The following PERM1 variants were observed in gnomAD, a reference collection of about 807,000 sequenced individuals.
The protein encoded by PERM1 is PPARGC1 and ESRR induced regulator, muscle 1.
Under a neutral mutation model 44.1 loss-of-function variants are expected in PERM1, and 45 were observed. The observed-to-expected ratio is 1.02, with a 90% CI of 0.80 to 1.31. The LOEUF (loss-of-function observed/expected upper bound fraction) is 1.31, where lower values mean the gene tolerates loss of function less well. Ranked by LOEUF, PERM1 falls within the 50% of genes most tolerant of loss-of-function variation. The pLI is 0.00. For missense variants in PERM1, 1,189 were observed against 1,106.9 expected, an observed-to-expected ratio of 1.07 and a Z score of -1.05; for synonymous variants, 565 against 477.1, an observed-to-expected ratio of 1.18 and a Z score of -2.40.
In PERM1 at chr1:979,034, C is replaced by G. The variant is rs536503119; in HGVS notation, c.1996G>C (p.Gly666Arg). The G allele has an allele frequency of 6.5e-6, 10 of 1,539,432 alleles. No homozygotes were observed. The East Asian group carries it at 7.4e-5, about 11-fold the overall frequency. ...AGCACGCCCTCAAGCCTGTCCTCCC[C>G]GAAGAAGAAGTGTTCATAGACCTCA... The change falls in exon 1 of 3, where the codon GGG becomes CGG. Residue 666 changes from glycine (G) to arginine (R), a missense_variant. By Grantham distance (125) the Gly-to-Arg change is moderately radical. Around this residue, in one of 3 missense-constraint regions of PERM1, gnomAD observed 900 missense variants for 760.4 expected, o/e 1.18. Coordinates refer to ENST00000433179, the Ensembl canonical transcript of PERM1.
exon 3 of PERM1, chr1:976,160 C>T (rs997087156): frequency 8.4e-6 from 13 of 1,545,844 alleles, no homozygotes; most frequent in South Asian, 2.4e-5. Flanking sequence ...CTCCCTGGCC[C>T]GGGCCTGGCT....
At position 976,498 on chromosome 1, in the gene PERM1, C is replaced by G; in HGVS notation, c.2275+1G>C. 6.5e-7 allele frequency: 1 copy of G among 1,549,534 alleles called. No individual in the cohort carries two copies. The highest frequency in any genetic ancestry group is 1.7e-4 in the Middle Eastern group (1 of 5,986). On this transcript the variant is annotated splice_donor_variant, in intron 2 of 2. Transcript: ENST00000433179. LOFTEE classifies it high-confidence loss of function. ...CTCCCTCTGCCCCCAGGCACCCAAA[C>G]CTGTTTTCCAGGCGTCTGGGGTATG...
chr1:980,417 C>T, exon 1 of PERM1: 1 of 1,549,314 alleles, frequency 6.5e-7, no homozygotes, highest in Non-Finnish European at 8.7e-7. Context: ...AGCGGGGAGC[C>T]CGTCTGGGCA....
upstream of PERM1, chr1:982,054 C>A (rs1209572937): frequency 7.8e-7 from 1 of 1,288,426 alleles, no homozygotes; most frequent in Admixed American, 2.3e-5. Flanking sequence ...CAGCAGCTGA[C>A]CATGTCCTAC....
intron 1 of PERM1, 95 bp from the exon 3 acceptor site, chr1:976,719 C>G: frequency 7.1e-7 from 1 of 1,400,076 alleles, no homozygotes; most frequent in Non-Finnish European, 9.5e-7. Flanking sequence ...CCCCCACCAA[C>G]CCCGGGAACC....
At chr1:980,991 C>T in exon 1 of PERM1, 1 of 1,510,906 alleles carries the variant, frequency 6.6e-7, no homozygotes. Context: ...CGGCCCAGTC[C>T]TGGTCACTCA....
exon 1 of PERM1, chr1:980,044 G>A (rs907342141): frequency 2.0e-5 from 31 of 1,548,974 alleles, no homozygotes; most frequent in Non-Finnish European, 2.4e-5. Flanking sequence ...TGTAGACACA[G>A]CCATGTCCCT....
chr1:978,807 C>T, intron 1 of PERM1, 74 bp downstream of exon 2: 10 of 1,352,276 alleles, frequency 7.4e-6, no homozygotes, highest in Non-Finnish European at 9.8e-6. Context: ...CCCCTGCGGC[C>T]CCCTGCTTGG....
chr1:975,198 G>C (rs886689066), downstream of PERM1: 1 of 152,504 alleles, frequency 6.6e-6, no homozygotes. Flanking sequence ...AAGGAAGAAA[G>C]AAAAAGAAAA....
In PERM1 at chr1:979,055, C is replaced by A. The variant is rs771873640; in HGVS notation, c.1975G>T (p.Val659Phe). 214 of 1,546,530 alleles carry A rather than the reference C, an allele frequency of 1.4e-4. 4 individuals are homozygous for A. In the South Asian group the frequency reaches 2.3e-3, roughly 17 times the overall value. Reference sequence around the variant, plus strand: ...TCCCCGAAGAAGAAGTGTTCATAGACCTCAGGGATGGAGATGGGCACGGGG... The same window carrying A: ...TCCCCGAAGAAGAAGTGTTCATAGAACTCAGGGATGGAGATGGGCACGGGG... The change falls in exon 1 of 3, where the codon GTC becomes TTC. Residue 659 changes from valine (V) to phenylalanine (F), a missense_variant. Val to Phe is a conservative substitution (Grantham distance 50). Transcript: ENST00000433179.
chr1:976,353 G>A, intron 2 of PERM1, 84 bp from the exon 4 acceptor site: 1 of 1,476,898 alleles, frequency 6.8e-7, no homozygotes, highest in Non-Finnish European at 9.0e-7. Flanking sequence ...CAAAGGGCGG[G>A]CAAGGTCGGT....
chr1:979,610 C>T (rs755303558), exon 1 of PERM1: 21 of 1,550,134 alleles, frequency 1.4e-5, no homozygotes, highest in Non-Finnish European at 1.7e-5. Flanking sequence ...GACACAACCG[C>T]CTCCATCTCC....
exon 1 of PERM1, chr1:979,159 C>G (rs1167896312): frequency 6.5e-7 from 1 of 1,550,070 alleles, no homozygotes; most frequent in Admixed American, 2.0e-5. Context: ...CCTCTGGGCT[C>G]CAACGTCTGG....
chr1:981,951 T>A, upstream of PERM1: 1 of 884,874 alleles, frequency 1.1e-6, no homozygotes, highest in Non-Finnish European at 1.6e-6. Context: ...CAGGGCATGG[T>A]GGCTTCCCAC....
chr1:979,029 C>A, exon 1 of PERM1: 1 of 1,538,842 alleles, frequency 6.5e-7, no homozygotes, highest in South Asian at 1.2e-5. Flanking sequence ...CAAGCCTGTC[C>A]TCCCCGAAGA....
chr1:981,061 G>A (rs996370205), upstream of PERM1: 11 of 1,543,944 alleles, frequency 7.1e-6, no homozygotes, highest in African/African-American at 1.1e-4. Flanking sequence ...GAGGGTAGCA[G>A]AATGGGTCCG....
chr1:976,343 C>T (rs1643605872), intron 2 of PERM1, 74 bp from the exon 4 acceptor site: 1 of 1,473,186 alleles, frequency 6.8e-7, no homozygotes, highest in East Asian at 2.5e-5. Context: ...ACCCAGCCCT[C>T]AAAGGGCGGG....
chr1:979,944 T>C (rs767542373), exon 1 of PERM1: 2 of 1,549,540 alleles, frequency 1.3e-6, no homozygotes, highest in Middle Eastern at 1.7e-4. Context: ...TGGAGGCAGG[T>C]ATAGACACAG....
upstream of PERM1, chr1:981,900 G>A (rs1479664926): frequency 1.1e-5 from 3 of 283,846 alleles, no homozygotes; most frequent in Non-Finnish European, 1.6e-5. Context: ...GGACCCAGGG[G>A]TGGGAAGTCA....
Sources: allele counts gnomAD v4.1 joint callset, GRCh38; gene constraint gnomAD v4.1.1; regional missense constraint gnomAD v4.1.1; transcripts MANE v1.5; gene names NCBI Gene and HGNC (gene_info 2026-07-23, HGNC 2026-07-21).